The following TTLL11 variants were observed in gnomAD, a reference collection of about 807,000 sequenced individuals.
TTLL11 encodes the protein tubulin polyglutamylase TTLL11.
Under a neutral mutation model 51.7 loss-of-function variants are expected in TTLL11, and 42 were observed. The observed-to-expected ratio is 0.81, with a 90% CI of 0.64 to 1.05. TTLL11 has a LOEUF of 1.05. Ranked by LOEUF, TTLL11 falls within the 50% of genes least tolerant of loss-of-function variation. TTLL11 has a pLI of 0.00. For missense variants in TTLL11, 799 were observed against 940.4 expected (o/e 0.85, Z 1.97); for synonymous variants, 381 against 383.5 (o/e 0.99, Z 0.08).
rs1292927755 is a variant in TTLL11, at chr9:122,031,769, G to A, written c.647C>T (p.Pro216Leu). 1 of 1,613,480 alleles carries A rather than the reference G, an allele frequency of 6.2e-7. No homozygotes were observed. Among genetic ancestry groups the A allele is most frequent in the Non-Finnish European group, 8.5e-7 (1 of 1,180,032 alleles). The change falls in exon 3 of 9, where the codon CCT (proline) becomes CTT (leucine). Residue 216 changes from proline to leucine, a missense_variant. Coordinates refer to ENST00000321582, the MANE Select transcript of TTLL11 (RefSeq NM_001139442.2). Reference protein sequence around the residue: ...NLFPEEYNFYPRSWILPDEFQ... With the variant: ...NLFPEEYNFYLRSWILPDEFQ... The stretch of plus-strand genomic sequence containing the variant: ...CTCGTCAGGCAGAATCCATGAGCGA[G>A]GGTAGAAGTTGTACTCCTCAGGAAA...
chr9:121,859,561 T>C (rs1837940902), intron 8 of TTLL11, among the ~76,000 whole-genome samples: 1 of 152,148 alleles, frequency 6.6e-6, no homozygotes, highest in Admixed American at 6.5e-5. Flanking sequence ...AGAAAAAAGA[T>C]AGGAAACTCA....
At chr9:121,857,852 T>C (rs1837876487) in intron 8 of TTLL11, among the ~76,000 whole-genome samples, 1 of 152,124 alleles carries the variant, frequency 6.6e-6, no homozygotes, top group African/African-American at 2.4e-5. Flanking sequence ...ATGGGCCAGA[T>C]GGTAATGCTA....
At chr9:121,891,499 T>C (rs1026359956) in intron 6 of TTLL11, among the ~76,000 whole-genome samples, 1 of 152,220 alleles carries the variant, frequency 6.6e-6, no homozygotes, top group African/African-American at 2.4e-5. Flanking sequence ...AGTCCTTCCA[T>C]AATTTGTCAT....
chr9:121,930,262 T>C (rs774962497), intron 6 of TTLL11, among the ~76,000 whole-genome samples: 1 of 152,130 alleles, frequency 6.6e-6, no homozygotes, highest in Non-Finnish European at 1.5e-5. Flanking sequence ...GATTTGTAAA[T>C]TATGGGGTAA....
At chr9:121,876,415 G>A (rs1452995967) in intron 6 of TTLL11, among the ~76,000 whole-genome samples, 2 of 152,140 alleles carry the variant, frequency 1.3e-5, no homozygotes, top group East Asian at 3.9e-4. Flanking sequence ...CAGGGGCCTC[G>A]GATACAAGAG....
intron 6 of TTLL11, among the ~76,000 whole-genome samples, chr9:121,931,918 G>C (rs1840999690): frequency 6.6e-6 from 1 of 152,096 alleles, no homozygotes; most frequent in South Asian, 2.1e-4. Flanking sequence ...TCCTCTCTCT[G>C]AATTCTTGCA....
chr9:122,002,944 C>CAAAAAAAAAAAAAAAA (rs547408355), intron 3 of TTLL11, among the ~76,000 whole-genome samples: 22 of 61,236 alleles, frequency 3.6e-4, no homozygotes, highest in African/African-American at 1.5e-3. Flanking sequence ...GACTCTGTCT[C>CAAAAAAAAAAAAAAAA]AAAAAAAAAA....
intron 1 of TTLL11, among the ~76,000 whole-genome samples, chr9:122,078,314 A>G (rs1175838714): frequency 6.6e-6 from 1 of 152,242 alleles, no homozygotes; most frequent in Non-Finnish European, 1.5e-5. Context: ...AATACTCTAA[A>G]TGACCCAAGG....
chr9:121,988,985 CAG>C, intron 4 of TTLL11: 1 of 1,186,862 alleles, frequency 8.4e-7, no homozygotes, highest in Non-Finnish European at 1.2e-6. Context: ...TTACAGGTAA[CAG>C]AGGGGAAGTA....
At chr9:121,916,908 G>A (rs769435964) in intron 6 of TTLL11, among the ~76,000 whole-genome samples, 2 of 152,168 alleles carry the variant, frequency 1.3e-5, no homozygotes, top group Non-Finnish European at 2.9e-5. Context: ...GGGCTGGGGA[G>A]CTGTTGCAGA....
chr9:122,033,667 A>C (rs1260517412), intron 2 of TTLL11, among the ~76,000 whole-genome samples: 1 of 152,202 alleles, frequency 6.6e-6, no homozygotes, highest in Non-Finnish European at 1.5e-5. Flanking sequence ...TCTGGGAAGG[A>C]AAGTTTTAAG....
At chr9:121,984,861 A>G (rs540045924) in intron 4 of TTLL11, among the ~76,000 whole-genome samples, 3 of 152,244 alleles carry the variant, frequency 2.0e-5, no homozygotes, top group African/African-American at 4.8e-5. Context: ...CATATGATTC[A>G]TCTACACTGA....
intron 1 of TTLL11, among the ~76,000 whole-genome samples, chr9:122,075,811 T>C (rs1845844038): frequency 6.6e-6 from 1 of 152,194 alleles, no homozygotes; most frequent in Non-Finnish European, 1.5e-5. Context: ...CCTAAGGCTT[T>C]TGGGCTTACA....
chr9:121,945,293 C>T lies in TTLL11; in HGVS notation c.1481+28716G>A, dbSNP rs1841622430. Among the ~76,000 whole-genome samples, 3 of 152,342 alleles carry T rather than the reference C, an allele frequency of 2.0e-5. No individual in the cohort carries two copies. The South Asian group carries it at 6.2e-4, about 32-fold the overall frequency. On this transcript the variant is annotated intron_variant, in intron 6 of 8. Coordinates refer to ENST00000321582, the MANE Select transcript of TTLL11 (RefSeq NM_001139442.2). ...CAAAGGAGGTTTGCTGAGGTCCCAT[C>T]AGTTTAATTCCACCCAGTATCAGAT...
chr9:121,959,660 T>C (rs909683961), intron 6 of TTLL11, among the ~76,000 whole-genome samples: 3 of 152,142 alleles, frequency 2.0e-5, no homozygotes, highest in African/African-American at 7.2e-5. Flanking sequence ...CCAAAACTCG[T>C]AACTGTCCCA....
chr9:121,846,243 A>C (rs760128940), intron 8 of TTLL11, among the ~76,000 whole-genome samples: 1 of 152,204 alleles, frequency 6.6e-6, no homozygotes, highest in Non-Finnish European at 1.5e-5. Context: ...AATAATCCTT[A>C]ACATGTATGC....
At chr9:122,057,591 C>G (rs180992037) in intron 1 of TTLL11, among the ~76,000 whole-genome samples, 2 of 152,126 alleles carry the variant, frequency 1.3e-5, no homozygotes, top group South Asian at 2.1e-4. Flanking sequence ...CCTCCCAAAT[C>G]GCTGGGATTA....
intron 8 of TTLL11, among the ~76,000 whole-genome samples, chr9:121,824,170 C>T (rs1187932355): frequency 6.6e-6 from 1 of 152,142 alleles, no homozygotes. Flanking sequence ...TTATTATGCC[C>T]CATCTTACAG....
In TTLL11 at chr9:121,884,368, C is replaced by T. The variant is rs72764092; in HGVS notation, c.1482-13620G>A. Among the ~76,000 whole-genome samples, 1,454 of 152,310 alleles carry T rather than the reference C, an allele frequency of 9.5e-3. 9 individuals carry two copies. The highest frequency in any genetic ancestry group is 0.014 in the Non-Finnish European group (946 of 68,026). Reference sequence around the variant, plus strand: ...CAACCCCCAAGAAAGAAAACAAAAGCGACTCTTTTAGTTTCCCTACTAACA... The same window carrying T: ...CAACCCCCAAGAAAGAAAACAAAAGTGACTCTTTTAGTTTCCCTACTAACA... On this transcript the variant is annotated intron_variant, in intron 6 of 8. Coordinates refer to ENST00000321582, the MANE Select transcript of TTLL11 (RefSeq NM_001139442.2).
Sources: gnomAD v4.1 joint callset for allele counts (sites outside exome capture counted in the v4.1 genomes callset) on GRCh38, gnomAD v4.1.1 for gene constraint, MANE v1.5 for transcripts, NCBI Gene and HGNC (gene_info 2026-07-23, HGNC 2026-07-21) for gene names.